The following C10orf90 variants were observed in gnomAD, a reference collection of about 807,000 sequenced individuals.
C10orf90 encodes the protein chromosome 10 open reading frame 90, also known as (E2-independent) E3 ubiquitin-conjugating enzyme FATS.
Under a neutral mutation model 62.5 loss-of-function variants are expected in C10orf90, and 56 were observed. The ratio of observed to expected loss-of-function variants is 0.90; its 90% CI spans 0.72 to 1.12. The LOEUF (loss-of-function observed/expected upper bound fraction) is 1.12, where lower values mean the gene tolerates loss of function less well. Among genes scored for constraint, C10orf90 ranks in the 50% most tolerant of loss-of-function variants. The probability of loss-of-function intolerance (pLI) is 0.00; values close to 1 mark genes in which losing one functional copy is unlikely to be tolerated. For synonymous variants in C10orf90, 386 were observed against 340.4 expected, an observed-to-expected ratio of 1.13 and a Z score of -1.47; for missense variants, 970 against 880.4, an observed-to-expected ratio of 1.10 and a Z score of -1.29.
intron 5 of C10orf90, among the ~76,000 whole-genome samples, chr10:126,463,657 C>G (rs1403992493): frequency 6.6e-6 from 1 of 152,200 alleles, no homozygotes; most frequent in Non-Finnish European, 1.5e-5. Flanking sequence ...ATGCTCTTTG[C>G]CCTCAGGTCT....
At chr10:126,500,726 C>A (rs971100622) in intron 4 of C10orf90, among the ~76,000 whole-genome samples, 1 of 152,114 alleles carries the variant, frequency 6.6e-6, no homozygotes. Flanking sequence ...CAGGTGCTCA[C>A]GCGTCTATTG....
intron 4 of C10orf90, among the ~76,000 whole-genome samples, chr10:126,502,139 AC>A: frequency 6.6e-6 from 1 of 151,876 alleles, no homozygotes; most frequent in Non-Finnish European, 1.5e-5. Flanking sequence ...CAACACACAC[AC>A]ACACTAGGTG....
At chr10:126,607,134 C>T (rs1335526943) in intron 2 of C10orf90, among the ~76,000 whole-genome samples, 7 of 152,110 alleles carry the variant, frequency 4.6e-5, no homozygotes, top group South Asian at 4.2e-4. Flanking sequence ...AAGGCAGGGG[C>T]GCCCAACTCT....
intron 4 of C10orf90, among the ~76,000 whole-genome samples, chr10:126,465,782 T>G (rs1425285490): frequency 3.9e-5 from 6 of 152,216 alleles, no homozygotes; most frequent in Non-Finnish European, 8.8e-5. Context: ...TATGGTACAT[T>G]CATGCTCTGC....
chr10:126,535,819 C>G (rs971624156), intron 2 of C10orf90, among the ~76,000 whole-genome samples: 36 of 152,218 alleles, frequency 2.4e-4, no homozygotes, highest in Admixed American at 1.6e-3. Flanking sequence ...CATAAAACCC[C>G]CTATGAAGCA....
intron 2 of C10orf90, among the ~76,000 whole-genome samples, chr10:126,601,132 G>A (rs1349019617): frequency 2.6e-5 from 4 of 152,148 alleles, no homozygotes; most frequent in Non-Finnish European, 4.4e-5. Context: ...CTTAGATGTG[G>A]AATTTTTTTA....
intron 1 of C10orf90, among the ~76,000 whole-genome samples, chr10:126,661,668 CTCT>C (rs767647553): frequency 8.2e-5 from 12 of 145,492 alleles, no homozygotes; most frequent in African/African-American, 2.8e-4. Flanking sequence ...TGCTCTCTCT[CTCT>C]TTTTTTTTTT....
chr10:126,662,636 C>T (rs1290374236), intron 1 of C10orf90, among the ~76,000 whole-genome samples: 1 of 152,218 alleles, frequency 6.6e-6, no homozygotes, highest in Non-Finnish European at 1.5e-5. Context: ...CTCCCCTTCC[C>T]TATTTGCCTA....
intron 4 of C10orf90, among the ~76,000 whole-genome samples, chr10:126,500,032 C>T (rs1360642161): frequency 1.3e-5 from 2 of 152,206 alleles, no homozygotes; most frequent in African/African-American, 2.4e-5. Flanking sequence ...CACAGACCAC[C>T]ACAAAGAACT....
chr10:126,426,963 G>C (rs111951544), intron 8 of C10orf90, among the ~76,000 whole-genome samples: 3 of 152,188 alleles, frequency 2.0e-5, no homozygotes, highest in African/African-American at 7.2e-5. Context: ...CACCACAGTT[G>C]GAAGAGGCAT....
At chr10:126,502,715 C>A in intron 4 of C10orf90, 1 of 471,926 alleles carries the variant, frequency 2.1e-6, no homozygotes, top group Non-Finnish European at 4.3e-6. Flanking sequence ...TGGTGTATTT[C>A]TGGAATCATC....
intron 2 of C10orf90, among the ~76,000 whole-genome samples, chr10:126,639,536 C>A (rs1187443352): frequency 7.9e-5 from 12 of 152,148 alleles, no homozygotes. Flanking sequence ...ATGGGTAGGT[C>A]TCCTCATTCC....
intron 2 of C10orf90, among the ~76,000 whole-genome samples, chr10:126,618,440 T>A (rs1014071958): frequency 1.3e-5 from 2 of 152,212 alleles, no homozygotes; most frequent in African/African-American, 4.8e-5. Flanking sequence ...ATTTGAAGCA[T>A]CCTTATTCTC....
At chr10:126,567,936 TG>T (rs1248673447) in intron 2 of C10orf90, among the ~76,000 whole-genome samples, 1 of 151,510 alleles carries the variant, frequency 6.6e-6, no homozygotes, top group Non-Finnish European at 1.5e-5. Context: ...GGAGAAGAAA[TG>T]AGTGGTATTG....
At chr10:126,614,694 C>T (rs77368253) in intron 2 of C10orf90, among the ~76,000 whole-genome samples, 4,810 of 152,160 alleles carry the variant, frequency 0.032, 236 homozygotes, top group African/African-American at 0.11. Flanking sequence ...TCATCAAACT[C>T]GAAGAACAGC....
At chr10:126,546,417 C>T (rs991240865) in intron 2 of C10orf90, among the ~76,000 whole-genome samples, 57 of 152,222 alleles carry the variant, frequency 3.7e-4, no homozygotes, top group African/African-American at 1.4e-3. Flanking sequence ...TCCACCCCCA[C>T]CCAGCAGTAA....
intron 2 of C10orf90, among the ~76,000 whole-genome samples, chr10:126,549,523 G>T (rs1214376348): frequency 6.6e-6 from 1 of 152,080 alleles, no homozygotes; most frequent in African/African-American, 2.4e-5. Context: ...CCAAATTCTG[G>T]CAAGGACACA....
chr10:126,458,263 A>C (rs991793628), intron 7 of C10orf90, among the ~76,000 whole-genome samples: 3 of 152,088 alleles, frequency 2.0e-5, no homozygotes, highest in Non-Finnish European at 4.4e-5. Context: ...TTCACCTCCT[A>C]GGGGCCAAAA....
At chr10:126,665,481 C>G (rs1262683907) in intron 1 of C10orf90, among the ~76,000 whole-genome samples, 2 of 152,158 alleles carry the variant, frequency 1.3e-5, no homozygotes, top group Non-Finnish European at 2.9e-5. Context: ...ACGGTGTACT[C>G]CAACCACTGG....
Sources: gnomAD v4.1 joint callset for allele counts (sites outside exome capture counted in the v4.1 genomes callset) on GRCh38, gnomAD v4.1.1 for gene constraint, MANE v1.5 for transcripts, NCBI Gene and HGNC (gene_info 2026-07-23, HGNC 2026-07-21) for gene names.